The following TMEM245 variants were observed in gnomAD, a reference collection of about 807,000 sequenced individuals.
TMEM245 encodes transmembrane protein 245, also known as protein CG-2.
TMEM245 carries 69 observed loss-of-function variants against 101.2 expected under a neutral mutation model. The observed-to-expected ratio is 0.68, with a 90% CI of 0.56 to 0.83. The LOEUF is 0.83. TMEM245 is among the 40% of genes least tolerant of loss of function. TMEM245 has a pLI of 0.00. For synonymous variants in TMEM245, 537 were observed against 449.8 expected (o/e 1.19, Z -2.45); for missense variants, 1,075 against 1,092.8 (o/e 0.98, Z 0.23).
At chr9:109,109,737 G>T (rs1271333234) in intron 1 of TMEM245, among the ~76,000 whole-genome samples, 1 of 151,982 alleles carries the variant, frequency 6.6e-6, no homozygotes, top group Non-Finnish European at 1.5e-5. Context: ...TACCTAAAAG[G>T]TCAACAACTG....
Position 109,038,318 on chromosome 9 carries a change from T to C in TMEM245, c.2124-201A>G, listed in dbSNP as rs539804345. On this transcript the variant is annotated intron_variant, in intron 14 of 17. Coordinates refer to ENST00000374586, the MANE Select transcript of TMEM245 (RefSeq NM_032012.4). Reference sequence around the variant, plus strand: ...TTACTAAGTTATTCTTTATGTAATATGAAATATGTTTTATTTGGAAATATG... The same window carrying C: ...TTACTAAGTTATTCTTTATGTAATACGAAATATGTTTTATTTGGAAATATG... 43 of 390,348 alleles carry C rather than the reference T, an allele frequency of 1.1e-4. No homozygotes were observed. In the South Asian group the frequency reaches 2.9e-3, roughly 26 times the overall value. 24.2% of individuals were successfully genotyped at this position (390,348 alleles called of 1,614,324 possible).
intron 5 of TMEM245, 65 bp from the exon 6 acceptor site, chr9:109,087,407 G>T (rs533760327): frequency 7.0e-6 from 10 of 1,424,926 alleles, no homozygotes; most frequent in East Asian, 2.6e-5. Context: ...ACATGAAAAG[G>T]TACCTTAATT....
intron 3 of TMEM245, among the ~76,000 whole-genome samples, chr9:109,096,508 T>C (rs1044785565): frequency 2.6e-5 from 4 of 152,108 alleles, no homozygotes; most frequent in Non-Finnish European, 4.4e-5. Flanking sequence ...AGTGAGACTT[T>C]GTCTCAAAAA....
chr9:109,060,289 A>T, intron 11 of TMEM245, 65 bp downstream of exon 11: 1 of 1,131,256 alleles, frequency 8.8e-7, no homozygotes, highest in Non-Finnish European at 1.3e-6. Context: ...AATCCTATCT[A>T]GTTGATGAGT....
At position 109,092,355 on chromosome 9, in the gene TMEM245, A is replaced by G. The variant is rs538742694; in HGVS notation, c.916+1120T>C. On this transcript the variant is annotated intron_variant, in intron 4 of 17. Coordinates refer to ENST00000374586, the MANE Select transcript of TMEM245 (RefSeq NM_032012.4). ...TGTTTTTAATGTTAAAAGTTCAGCTATGAGTCAATTTTTACTACTGAGATC... is the reference window on the plus strand; with the variant it reads ...TGTTTTTAATGTTAAAAGTTCAGCTGTGAGTCAATTTTTACTACTGAGATC... 9.8e-5 allele frequency among the ~76,000 whole-genome samples: 15 copies of G among 152,316 alleles called. No homozygotes were observed. The South Asian group carries it at 1.9e-3, about 19-fold the overall frequency.
At chr9:109,093,703 C>A in intron 3 of TMEM245, 112 bp from the exon 4 acceptor site, 1 of 844,684 alleles carries the variant, frequency 1.2e-6, no homozygotes, top group Middle Eastern at 2.4e-4. Flanking sequence ...TTACTACTGA[C>A]CCACTGAATA....
chr9:109,036,757 T>G (rs371256586), intron 15 of TMEM245, among the ~76,000 whole-genome samples: 1 of 152,206 alleles, frequency 6.6e-6, no homozygotes, highest in East Asian at 1.9e-4. Context: ...AATTAGTTTC[T>G]AAACCTCAGC....
At chr9:109,094,066 A>C (rs924870487) in intron 3 of TMEM245, among the ~76,000 whole-genome samples, 16 of 152,238 alleles carry the variant, frequency 1.1e-4, no homozygotes, top group African/African-American at 3.6e-4. Flanking sequence ...ATGCAAAACC[A>C]TATAGATTTA....
rs184665282 is a variant in TMEM245, at chr9:109,016,718, T to C, written c.*3742A>G. On this transcript the variant is annotated 3_prime_UTR_variant, in exon 18 of 18. Coordinates refer to ENST00000374586, the MANE Select transcript of TMEM245 (RefSeq NM_032012.4). ...AATCGGTAAGTTAATAAAATGAATA[T>C]ATTTTGATGGCAGAATGTTGAAAGA... 1 of 151,238 alleles carries C rather than the reference T, an allele frequency of 6.6e-6. No individual in the cohort carries two copies. Among genetic ancestry groups the C allele is most frequent in the African/African-American group, 2.4e-5 (1 of 41,154 alleles). The allele number at this position is 151,238 out of a possible 1,614,324, so 9.4% of individuals were successfully genotyped here. A position where few individuals can be genotyped will look rare whatever the true frequency, so the allele number is the denominator to read the frequency against.
rs532731653 is a variant in TMEM245, at chr9:109,107,114, G to A, written c.698-505C>T. Among the ~76,000 whole-genome samples the A allele has an allele frequency of 4.6e-5, 7 of 152,066 alleles. 1 individual carries two copies. The highest frequency in any genetic ancestry group is 9.6e-5 in the African/African-American group (4 of 41,482). On this transcript the variant is annotated intron_variant, in intron 2 of 17. Transcript: ENST00000374586. ...AAAAATGTTTACAAGTTGGCTGGGC[G>A]CAGTGGCTCACACCTGTAATCCCAG... is the stretch of plus-strand genomic sequence containing the variant.
rs143695334 is a variant in TMEM245 at position 109,049,416 on chromosome 9, T to C, written c.2123+867A>G. On this transcript the variant is annotated intron_variant, in intron 14 of 17. Transcript: ENST00000374586. ...TTTTAGTAGAGACAAGGTCTCGCTA[T>C]GCTGCCCAGGTTGTGTCAAATTCCT... is the stretch of plus-strand genomic sequence containing the variant. Among the ~76,000 whole-genome samples the C allele has an allele frequency of 2.0e-3, 312 of 152,290 alleles. 3 individuals are homozygous for C. The highest frequency in any genetic ancestry group is 6.9e-3 in the African/African-American group (286 of 41,570).
At chr9:109,033,171 C>T in intron 17 of TMEM245, 136 bp downstream of exon 17, 1 of 996,234 alleles carries the variant, frequency 1.0e-6, no homozygotes, top group Non-Finnish European at 1.4e-6. Context: ...TACTTAGTGT[C>T]TTCTGCAACC....
chr9:109,039,027 A>C (rs1302551255), intron 14 of TMEM245: 8 of 152,222 alleles, frequency 5.3e-5, no homozygotes, highest in Non-Finnish European at 1.0e-4. Context: ...CTACAGAAGA[A>C]AAGCTGTAGT....
intron 2 of TMEM245, among the ~76,000 whole-genome samples, chr9:109,108,118 C>A (rs1283772758): frequency 6.6e-6 from 1 of 152,160 alleles, no homozygotes; most frequent in African/African-American, 2.4e-5. Context: ...GGTTCTCACA[C>A]ATGTCTCTGA....
intron 12 of TMEM245, among the ~76,000 whole-genome samples, chr9:109,056,334 C>T (rs1364021067): frequency 6.7e-6 from 1 of 149,546 alleles, no homozygotes; most frequent in African/African-American, 2.5e-5. Flanking sequence ...TGGCTCATGC[C>T]TATAATCCCA....
At chr9:109,042,749 A>G (rs1307691863) in intron 14 of TMEM245, among the ~76,000 whole-genome samples, 1 of 151,870 alleles carries the variant, frequency 6.6e-6, no homozygotes, top group Admixed American at 6.6e-5. Context: ...TGCAACTATC[A>G]TCATTAATTC....
intron 1 of TMEM245, among the ~76,000 whole-genome samples, chr9:109,117,115 T>G (rs933181899): frequency 1.1e-4 from 16 of 151,986 alleles, no homozygotes; most frequent in Admixed American, 1.0e-3. Context: ...AAGGTTTTTT[T>G]GGTTTTTTTT....
At chr9:109,106,732 C>T (rs986151549) in intron 2 of TMEM245, 123 bp from the exon 3 acceptor site, 6 of 594,606 alleles carry the variant, frequency 1.0e-5, no homozygotes, top group African/African-American at 9.4e-5. Flanking sequence ...AATTACTTAT[C>T]AGGCAAAAAA....
At chr9:109,037,831 C>T (rs554170367) in intron 15 of TMEM245, among the ~76,000 whole-genome samples, 186 bp downstream of exon 15, 1 of 152,274 alleles carries the variant, frequency 6.6e-6, no homozygotes, top group South Asian at 2.1e-4. Flanking sequence ...GTTCCAGCTG[C>T]TGGGGATACA....
Sources: gnomAD v4.1 joint callset for allele counts (sites outside exome capture counted in the v4.1 genomes callset) on GRCh38, gnomAD v4.1.1 for gene constraint, MANE v1.5 for transcripts, NCBI Gene and HGNC (gene_info 2026-07-23, HGNC 2026-07-21) for gene names.